Variants in ANO6 observed in about 807,000 individuals in gnomAD.
ANO6 encodes anoctamin 6, also known as anoctamin-6.
A neutral mutation model predicts 117.5 loss-of-function variants in ANO6; 106 were observed. The ratio of observed to expected loss-of-function variants is 0.90; its 90% CI spans 0.77 to 1.06. The LOEUF (loss-of-function observed/expected upper bound fraction) is 1.06, where lower values mean the gene tolerates loss of function less well. Ranked by LOEUF, ANO6 falls within the 50% of genes least tolerant of loss-of-function variation. The probability of loss-of-function intolerance (pLI) is 0.00; values close to 1 mark genes in which losing one functional copy is unlikely to be tolerated. For synonymous variants in ANO6, 367 were observed against 385.1 expected (o/e 0.95, Z 0.55); for missense variants, 955 against 1,121.1 (o/e 0.85, Z 2.12).
rs1244425021 is a variant in ANO6 at position 45,331,418 on chromosome 12, C to G, written c.274C>G (p.Gln92Glu). The change falls in exon 3 of 20, where the codon CAA (glutamine) becomes GAA (glutamate). Residue 92 changes from glutamine (Q) to glutamate (E), a missense_variant. Physicochemically the swap from Gln to Glu is conservative, Grantham distance 29. Transcript: ENST00000320560. ...ETNKKGTNEK[Q>E]RRKRQAYESN... ...CAATAAAAAGGGTACAAATGAAAAA[C>G]AAAGGGTAAGTTTTTATGCTATTTT... The G allele has an allele frequency of 6.2e-7, 1 of 1,602,312 alleles. No individual in the cohort carries two copies. The highest frequency in any genetic ancestry group is 1.7e-5 in the Admixed American group (1 of 59,118).
intron 1 of ANO6, among the ~76,000 whole-genome samples, chr12:45,238,907 G>C (rs889210909): frequency 3.9e-5 from 6 of 152,208 alleles, no homozygotes; most frequent in Admixed American, 3.3e-4. Context: ...GATCATGTTG[G>C]ATAAGCTTTT....
At position 45,409,499 on chromosome 12, in the gene ANO6, G is replaced by A; in HGVS notation, c.2011+12G>A. On this transcript the variant is annotated intron_variant, in intron 16 of 19. Coordinates refer to ENST00000320560, the MANE Select transcript of ANO6 (RefSeq NM_001025356.3). ...ATATCTTGAAATGAGTAAGTTGTTA[G>A]TGAAGTTTTTAGTGATATAAAACAT... is the stretch of plus-strand genomic sequence containing the variant. 1 of 1,612,304 alleles carries A rather than the reference G, an allele frequency of 6.2e-7. No homozygotes were observed. Among genetic ancestry groups the A allele is most frequent in the South Asian group, 1.1e-5 (1 of 91,030 alleles).
Position 45,409,370 on chromosome 12 carries a change from C to G in ANO6, c.1894C>G (p.Leu632Val). The part of the protein sequence containing the change: ...QEVLLPWIMN[L>V]IGRFHRVSGS... ...TCTTTTTGGCAGCTGGATCATGAATCTAATTGGGCGATTTCACAGAGTTTC... is the reference window on the plus strand; with the variant it reads ...TCTTTTTGGCAGCTGGATCATGAATGTAATTGGGCGATTTCACAGAGTTTC... Residue 632 changes from leucine to valine, a missense_variant, in exon 16 of 20, where the codon CTA becomes GTA. Coordinates refer to ENST00000320560, the MANE Select transcript of ANO6 (RefSeq NM_001025356.3). 3 of 1,613,920 alleles carry G rather than the reference C, an allele frequency of 1.9e-6. No individual in the cohort carries two copies. The highest frequency in any genetic ancestry group is 2.5e-6 in the Non-Finnish European group (3 of 1,179,904).
intron 1 of ANO6, among the ~76,000 whole-genome samples, chr12:45,301,045 A>G (rs909238089): frequency 2.0e-5 from 3 of 152,192 alleles, no homozygotes; most frequent in Non-Finnish European, 2.9e-5. Flanking sequence ...ACAAATGGCT[A>G]TTGAGCTTTT....
At chr12:45,216,513 C>G (rs1480904388) in intron 1 of ANO6, 122 bp downstream of exon 1, 7 of 1,142,044 alleles carry the variant, frequency 6.1e-6, no homozygotes, top group Non-Finnish European at 8.7e-6. Context: ...TCGGCCGCTC[C>G]GGGCAGGGGA....
chr12:45,413,114 T>A (rs1433543771), intron 16 of ANO6, among the ~76,000 whole-genome samples: 2 of 152,172 alleles, frequency 1.3e-5, no homozygotes, highest in Non-Finnish European at 2.9e-5. Flanking sequence ...ACTGGAATAT[T>A]TGTAAACAAG....
chr12:45,376,760 A>T (rs1011955845), intron 9 of ANO6, among the ~76,000 whole-genome samples: 1 of 151,382 alleles, frequency 6.6e-6, no homozygotes, highest in Non-Finnish European at 1.5e-5. Flanking sequence ...CTAGATGATG[A>T]GTTAGTGGGT....
intron 1 of ANO6, among the ~76,000 whole-genome samples, chr12:45,239,334 G>A (rs1429504755): frequency 6.6e-6 from 1 of 152,174 alleles, no homozygotes. Context: ...GTGTGGGTGT[G>A]TTTGTAGTAT....
chr12:45,266,765 C>T (rs944741761), intron 1 of ANO6, among the ~76,000 whole-genome samples: 5 of 151,730 alleles, frequency 3.3e-5, no homozygotes, highest in Non-Finnish European at 7.4e-5. Context: ...CCACTGCCCT[C>T]CAGCCTGGGT....
In ANO6 at chr12:45,267,803, CACTT is replaced by C. The variant is rs993383745; in HGVS notation, c.71-34206_71-34203del. Among the ~76,000 whole-genome samples, 415 of 152,122 alleles carry C rather than the reference CACTT, an allele frequency of 2.7e-3. 2 individuals carry two copies. Among genetic ancestry groups the C allele is most frequent in the African/African-American group, 9.2e-3 (382 of 41,518 alleles). ...AAGACTCCCATCTCAAAAAAAATAGCACTTACTTGTTGTAAATTATGTATGAAGA... is the reference window on the plus strand; with the variant it reads ...AAGACTCCCATCTCAAAAAAAATAGCACTTGTTGTAAATTATGTATGAAGA... On this transcript the variant is annotated intron_variant, in intron 1 of 19. Coordinates refer to ENST00000320560, the MANE Select transcript of ANO6 (RefSeq NM_001025356.3).
At chr12:45,230,710 G>C (rs1947561486) in intron 1 of ANO6, among the ~76,000 whole-genome samples, 1 of 152,074 alleles carries the variant, frequency 6.6e-6, no homozygotes, top group Non-Finnish European at 1.5e-5. Context: ...TATGGAATAA[G>C]AGCATTTCTT....
intron 1 of ANO6, among the ~76,000 whole-genome samples, chr12:45,291,043 A>T (rs1222242069): frequency 6.6e-6 from 1 of 152,220 alleles, no homozygotes; most frequent in African/African-American, 2.4e-5. Context: ...ATGAGGAAAG[A>T]AGAGTCTCTT....
At chr12:45,368,582 A>C (rs1011772153) in intron 9 of ANO6, among the ~76,000 whole-genome samples, 4 of 152,234 alleles carry the variant, frequency 2.6e-5, no homozygotes, top group African/African-American at 4.8e-5. Flanking sequence ...TCAGACGAGC[A>C]TGAAGAATGG....
intron 7 of ANO6, among the ~76,000 whole-genome samples, chr12:45,352,836 A>C (rs1593002922): frequency 6.6e-6 from 1 of 152,268 alleles, no homozygotes; most frequent in South Asian, 2.1e-4. Context: ...GGATCCAAAC[A>C]TGGTCAAGAG....
chr12:45,253,790 T>A (rs963576595), intron 1 of ANO6, among the ~76,000 whole-genome samples: 1 of 152,206 alleles, frequency 6.6e-6, no homozygotes, highest in Non-Finnish European at 1.5e-5. Context: ...TACTAACCCC[T>A]ATAATGAGGC....
chr12:45,438,283 G>A (rs1943731753), intron 19 of ANO6, among the ~76,000 whole-genome samples: 1 of 151,966 alleles, frequency 6.6e-6, no homozygotes, highest in Non-Finnish European at 1.5e-5. Flanking sequence ...GTGTATGTAT[G>A]TGTGTGTAAG....
intron 16 of ANO6, among the ~76,000 whole-genome samples, chr12:45,414,523 T>C (rs1943165586): frequency 6.6e-6 from 1 of 152,196 alleles, no homozygotes; most frequent in Admixed American, 6.5e-5. Context: ...CTTTATAATA[T>C]ATAAAAACCC....
At position 45,432,267 on chromosome 12, in the gene ANO6, TATA is replaced by T. The variant is rs1943651615; in HGVS notation, c.*2959_*2961del. On this transcript the variant is annotated 3_prime_UTR_variant, in exon 20 of 20. Transcript: ENST00000320560. Reference sequence around the variant, plus strand: ...ATTTCTGTGCATTTTAATATTCTTTTATAATTATTAATGTTAATTTCTGTGCAT... The same window carrying T: ...ATTTCTGTGCATTTTAATATTCTTTTATTATTAATGTTAATTTCTGTGCAT... The T allele has an allele frequency of 1.1e-6, 1 of 943,520 alleles. No homozygotes were observed. The highest frequency in any genetic ancestry group is 1.8e-5 in the African/African-American group (1 of 56,294). 58.4% of individuals were successfully genotyped at this position (943,520 alleles called of 1,614,324 possible).
At chr12:45,361,655 T>G (rs1475393477) in intron 8 of ANO6, among the ~76,000 whole-genome samples, 1 of 152,138 alleles carries the variant, frequency 6.6e-6, no homozygotes, top group African/African-American at 2.4e-5. Flanking sequence ...TTTATCAGGT[T>G]GGGAAAGTTC....
Sources: gnomAD v4.1 joint callset for allele counts (sites outside exome capture counted in the v4.1 genomes callset) on GRCh38, gnomAD v4.1.1 for gene constraint, MANE v1.5 for transcripts, NCBI Gene and HGNC (gene_info 2026-07-23, HGNC 2026-07-21) for gene names.